CTSC: variants seen among roughly 807,000 people sequenced by gnomAD.
CTSC encodes the protein cathepsin C.
Under a neutral mutation model 40.9 loss-of-function variants are expected in CTSC, and 37 were observed. That is an observed-to-expected ratio of 0.91 (90% CI 0.70 to 1.19). The LOEUF is 1.19. CTSC is among the 50% of genes most tolerant of loss of function. CTSC has a pLI of 0.00. For missense variants in CTSC, 594 were observed against 567.3 expected (o/e 1.05, Z -0.48); for synonymous variants, 232 against 207.4 (o/e 1.12, Z -1.02).
Position 88,296,181 on chromosome 11 carries a change from G to C in CTSC, c.841C>G (p.Pro281Ala). Residue 281 changes from proline (P) to alanine (A), a missense_variant, in exon 6 of 7, where the codon CCA (proline) becomes GCA (alanine). By Grantham distance (27) the Pro-to-Ala change is conservative. Coordinates refer to ENST00000227266, the MANE Select transcript of CTSC (RefSeq NM_001814.6). The stretch of plus-strand genomic sequence containing the variant: ...ACAACCTCCTGAGGGCTTAGGATTG[G>C]GGTCTGAGAATTGTTGGTTAGTATA... ...IRILTNNSQTPILSPQEVVSC... is the reference protein window; with the variant it reads ...IRILTNNSQTAILSPQEVVSC... The C allele has an allele frequency of 1.2e-6, 2 of 1,614,012 alleles. No homozygotes were observed. Among genetic ancestry groups the C allele is most frequent in the South Asian group, 1.1e-5 (1 of 91,072 alleles).
intron 2 of CTSC, among the ~76,000 whole-genome samples, chr11:88,313,558 C>G (rs1386015236): frequency 6.6e-6 from 1 of 152,092 alleles, no homozygotes; most frequent in Non-Finnish European, 1.5e-5. Flanking sequence ...GATGCTCTGG[C>G]TCCAGAGCCT....
chr11:88,297,163 A>G (rs1180354680), intron 5 of CTSC: 1 of 152,210 alleles, frequency 6.6e-6, no homozygotes, highest in East Asian at 1.9e-4. Context: ...GTCTGTGTCT[A>G]CTTTAACAAA....
chr11:88,298,828 AC>A (rs1164487893), intron 5 of CTSC: 1 of 152,138 alleles, frequency 6.6e-6, no homozygotes, highest in East Asian at 1.9e-4. Flanking sequence ...CTATATGAAA[AC>A]CAATGTCAAA....
At chr11:88,333,043 G>A (rs1938404278) in intron 2 of CTSC, among the ~76,000 whole-genome samples, 1 of 152,184 alleles carries the variant, frequency 6.6e-6, no homozygotes, top group Non-Finnish European at 1.5e-5. Flanking sequence ...TTCACAAAAA[G>A]TGATACAATT....
chr11:88,301,111 T>C (rs1050470174), intron 4 of CTSC, among the ~76,000 whole-genome samples: 3 of 152,118 alleles, frequency 2.0e-5, no homozygotes, highest in Admixed American at 6.6e-5. Flanking sequence ...AAAGGGTCTA[T>C]GTGAGGCAGG....
rs7122714 is a variant in CTSC at position 88,295,424 on chromosome 11, G to C, written c.889+709C>G. ...AACAGGGCCTCACTCCGTTTGCCCAGGCTGGAGTGCAGTGGCATGATATCG... is the reference window on the plus strand; with the variant it reads ...AACAGGGCCTCACTCCGTTTGCCCACGCTGGAGTGCAGTGGCATGATATCG... On this transcript the variant is annotated intron_variant, in intron 6 of 6. Transcript: ENST00000227266. Among the ~76,000 whole-genome samples the C allele has an allele frequency of 5.8e-3, 889 of 152,028 alleles. 16 individuals are homozygous for C. The highest frequency in any genetic ancestry group is 0.021 in the African/African-American group (861 of 41,448).
intron 2 of CTSC, chr11:88,325,017 G>C (rs1489489516): frequency 1.0e-6 from 1 of 985,138 alleles, no homozygotes; most frequent in South Asian, 4.7e-5. Flanking sequence ...AAGCAGAAAT[G>C]CAAGAGAGGA....
intron 1 of CTSC, among the ~76,000 whole-genome samples, chr11:88,336,582 T>C (rs967397090): frequency 5.9e-5 from 9 of 151,268 alleles, no homozygotes; most frequent in African/African-American, 2.2e-4. Flanking sequence ...GATTATGAAA[T>C]GCTATACAGT....
At chr11:88,318,216 C>T (rs1371545207) in intron 2 of CTSC, among the ~76,000 whole-genome samples, 2 of 152,196 alleles carry the variant, frequency 1.3e-5, no homozygotes, top group African/African-American at 4.8e-5. Flanking sequence ...GGCTAGAAGA[C>T]AGAGGCAGTT....
chr11:88,312,154 A>G (rs1298153880), intron 3 of CTSC, among the ~76,000 whole-genome samples: 5 of 152,210 alleles, frequency 3.3e-5, no homozygotes, highest in Admixed American at 3.3e-4. Context: ...TCTGTGGTCC[A>G]TTACATGATT....
chr11:88,314,916 C>G (rs762346737), intron 2 of CTSC, among the ~76,000 whole-genome samples: 1 of 152,098 alleles, frequency 6.6e-6, no homozygotes, highest in Non-Finnish European at 1.5e-5. Flanking sequence ...CTACTCAAGT[C>G]CCTGCTAAAA....
At chr11:88,323,866 T>A (rs1938102953) in intron 2 of CTSC, 1 of 152,092 alleles carries the variant, frequency 6.6e-6, no homozygotes, top group African/African-American at 2.4e-5. Flanking sequence ...TCAATGCTAT[T>A]CCCATTAAAC....
intron 2 of CTSC, among the ~76,000 whole-genome samples, chr11:88,330,924 T>C (rs555009967): frequency 4.9e-4 from 75 of 152,356 alleles, no homozygotes; most frequent in African/African-American, 1.7e-3. Flanking sequence ...CAATAGGAGC[T>C]ATTCTGATTG....
Position 88,309,298 on chromosome 11 carries a change from T to C in CTSC, c.506A>G (p.Lys169Arg). 6.2e-7 allele frequency: 1 copy of C among 1,613,826 alleles called. No homozygotes were observed. Among genetic ancestry groups the C allele is most frequent in the Non-Finnish European group, 8.5e-7 (1 of 1,179,716 alleles). Residue 169 changes from lysine (K) to arginine (R), a missense_variant, in exon 4 of 7, where the codon AAG becomes AGG. Physicochemically the swap from Lys to Arg is conservative, Grantham distance 26. Coordinates refer to ENST00000227266, the MANE Select transcript of CTSC (RefSeq NM_001814.6). The stretch of plus-strand genomic sequence containing the variant: ...AGCTTTCACAAAGTTGTGATCATAC[T>C]TGTAGAGCCTATTAGAATACCTGTC... ...SQEKYSNRLY[K>R]YDHNFVKAIN...
In CTSC at chr11:88,300,560, T is replaced by C. The variant is rs1944348374; in HGVS notation, c.727A>G (p.Ile243Val). 1.9e-6 allele frequency: 3 copies of C among 1,612,732 alleles called. No homozygotes were observed. The highest frequency in any genetic ancestry group is 1.7e-6 in the Non-Finnish European group (2 of 1,178,788). Reference sequence around the variant, plus strand: ...TTTCGAACAGGACTGACAAAATTGATACCATGAACATTTCTCCAGTCCCAA... The same window carrying C: ...TTTCGAACAGGACTGACAAAATTGACACCATGAACATTTCTCCAGTCCCAA... Reference protein sequence around the residue: ...TSWDWRNVHGINFVSPVRNQA... With the variant: ...TSWDWRNVHGVNFVSPVRNQA... Residue 243 changes from isoleucine to valine, a missense_variant, in exon 5 of 7, where the codon ATC (isoleucine) becomes GTC (valine). Coordinates refer to ENST00000227266, the MANE Select transcript of CTSC (RefSeq NM_001814.6).
chr11:88,334,166 T>C (rs1412278672), intron 2 of CTSC, among the ~76,000 whole-genome samples: 1 of 152,242 alleles, frequency 6.6e-6, no homozygotes, highest in Non-Finnish European at 1.5e-5. Flanking sequence ...ATACTCTATG[T>C]ATAATGAGAA....
chr11:88,334,681 C>T lies in CTSC; in HGVS notation c.318+256G>A, dbSNP rs3758834. On this transcript the variant is annotated intron_variant, in intron 2 of 6. Coordinates refer to ENST00000227266, the MANE Select transcript of CTSC (RefSeq NM_001814.6). ...AAGGAAAATAAATTAAGAATTTAGTCATACTTACCAAAATGTAAATTTTAA... is the reference window on the plus strand; with the variant it reads ...AAGGAAAATAAATTAAGAATTTAGTTATACTTACCAAAATGTAAATTTTAA... The T allele has an allele frequency of 0.05, 20,889 of 417,056 alleles. 764 individuals carry two copies. The highest frequency in any genetic ancestry group is 0.13 in the East Asian group (2,680 of 21,368). 25.8% of individuals were successfully genotyped at this position (417,056 alleles called of 1,614,324 possible). A position where few individuals can be genotyped will look rare whatever the true frequency, so the allele number is the denominator to read the frequency against.
chr11:88,294,324 G>T lies in CTSC; in HGVS notation c.1074C>A (p.Ala358=). Reference sequence around the variant, plus strand: ...GATGGACCAACTCAAGCTTCATCAGGGCTTCATTGCAGCCTCCATAGAAAC... The same window carrying T: ...GATGGACCAACTCAAGCTTCATCAGTGCTTCATTGCAGCCTCCATAGAAAC... The part of the protein sequence containing the change: ...VGGFYGGCNE[A]LMKLELVHHG... The change falls in exon 7 of 7, where the codon GCC becomes GCA. Residue 358 remains alanine (A), a synonymous_variant. Transcript: ENST00000227266. 1 of 1,614,022 alleles carries T rather than the reference G, an allele frequency of 6.2e-7. No individual in the cohort carries two copies. The highest frequency in any genetic ancestry group is 8.5e-7 in the Non-Finnish European group (1 of 1,180,006).
intron 2 of CTSC, among the ~76,000 whole-genome samples, chr11:88,317,424 A>G (rs1480637556): frequency 6.6e-6 from 1 of 151,364 alleles, no homozygotes; most frequent in Non-Finnish European, 1.5e-5. Flanking sequence ...ATTTTATTTT[A>G]TACTATTCTT....
Sources: gnomAD v4.1 joint callset for allele counts (sites outside exome capture counted in the v4.1 genomes callset) on GRCh38, gnomAD v4.1.1 for gene constraint, MANE v1.5 for transcripts, NCBI Gene and HGNC (gene_info 2026-07-23, HGNC 2026-07-21) for gene names.